CCNB3: variants seen among roughly 807,000 people sequenced by gnomAD.
CCNB3 encodes G2/mitotic-specific cyclin-B3.
A neutral mutation model predicts 68.0 loss-of-function variants in CCNB3; 12 were observed. The ratio of observed to expected loss-of-function variants is 0.18; its 90% CI spans 0.11 to 0.29. CCNB3 has a LOEUF of 0.29. Ranked by LOEUF, CCNB3 falls within the 10% of genes least tolerant of loss-of-function variation. The pLI, the probability that CCNB3 is intolerant of heterozygous loss-of-function variation, is 1.00. For missense variants in CCNB3, 904 were observed against 993.1 expected, an observed-to-expected ratio of 0.91 and a Z score of 1.21; for synonymous variants, 354 against 388.9, an observed-to-expected ratio of 0.91 and a Z score of 1.06.
chrX:50,214,475 C>CATATATATATATATATAT (rs1184201216), intron 1 of CCNB3, among the ~76,000 whole-genome samples: 450 of 9,418 alleles, frequency 0.048, 100 homozygotes, highest in Non-Finnish European at 0.12. Context: ...AGCTGTGGCC[C>CATATATATATATATATAT]ATATATATAT....
chrX:50,222,793 T>C (rs2146988136), intron 1 of CCNB3, among the ~76,000 whole-genome samples: 1 of 111,388 alleles, frequency 9.0e-6, no homozygotes, highest in East Asian at 2.8e-4. Flanking sequence ...CTGTATTTCC[T>C]GCATTTTAAT....
At chrX:50,285,037 G>A in intron 2 of CCNB3, 90 bp from the exon 3 acceptor site, 1 of 513,346 alleles carries the variant, frequency 1.9e-6, no homozygotes. Flanking sequence ...TCCTAGGGAT[G>A]CTATAGATAG....
In CCNB3 at chrX:50,344,278, T is replaced by C. The variant is rs145057742; in HGVS notation, c.3654+1939T>C. ...GATCTTCTCACAATGATGAAAATGA[T>C]GCATTTCTCTTAACATATCCCTCTT... On this transcript the variant is annotated intron_variant, in intron 9 of 12. Coordinates refer to ENST00000376042, the MANE Select transcript of CCNB3 (RefSeq NM_033031.3). 0.017 allele frequency among the ~76,000 whole-genome samples: 1,946 copies of C among 112,393 alleles called. 70 individuals carry two copies. The East Asian group carries it at 0.17, about 10-fold the overall frequency.
Position 50,294,888 on chromosome X carries a change from C to G in CCNB3, c.230C>G (p.Pro77Arg), listed in dbSNP as rs782677573. ...TNASQCQPVQPKKEANKEFVK... is the reference protein window; with the variant it reads ...TNASQCQPVQRKKEANKEFVK... ...GCTTCTCAATGTCAACCTGTCCAGC[C>G]CAAGAAAGAAGCCAATAAAGAGTTT... The change falls in exon 5 of 13, where the codon CCC becomes CGC. Residue 77 changes from proline to arginine, a missense_variant. Around this residue, in one of 2 missense-constraint regions of CCNB3, gnomAD observed 619 missense variants for 609.8 expected, o/e 1.02. Coordinates refer to ENST00000376042, the MANE Select transcript of CCNB3 (RefSeq NM_033031.3). The G allele has an allele frequency of 6.6e-6, 8 of 1,208,772 alleles. No individual in the cohort carries two copies. In the East Asian group the frequency reaches 1.8e-4, roughly 27 times the overall value.
chrX:50,351,457 A>G, intron 12 of CCNB3, 86 bp downstream of exon 12: 1 of 1,123,089 alleles, frequency 8.9e-7, no homozygotes, highest in Non-Finnish European at 1.2e-6. Context: ...GCCTCACTTA[A>G]GAGAAAAAGA....
chrX:50,286,859 C>T (rs1011134170), intron 3 of CCNB3, among the ~76,000 whole-genome samples: 2 of 110,763 alleles, frequency 1.8e-5, no homozygotes, highest in African/African-American at 6.6e-5. Context: ...CGTGTTGGCC[C>T]GAACGGTCTC....
intron 1 of CCNB3, among the ~76,000 whole-genome samples, chrX:50,226,317 CAT>C (rs1193593622): frequency 5.4e-4 from 9 of 16,531 alleles, no homozygotes; most frequent in Admixed American, 1.2e-3. Context: ...AATATATAAA[CAT>C]ATATATAGAA....
intron 8 of CCNB3, among the ~76,000 whole-genome samples, chrX:50,322,682 G>A (rs1557216716): frequency 8.9e-6 from 1 of 111,923 alleles, no homozygotes. Flanking sequence ...ATCTGACAAA[G>A]GGCTAATATC....
intron 1 of CCNB3, among the ~76,000 whole-genome samples, chrX:50,226,359 G>GTATAGAATATATATAAAAATATATA (rs1935797221): frequency 1.1e-4 from 2 of 18,262 alleles, no homozygotes; most frequent in African/African-American, 2.4e-4. Flanking sequence ...ATAAAAATAT[G>GTATAGAATATATATAAAAATATATA]TATAGAATAT....
intron 4 of CCNB3, among the ~76,000 whole-genome samples, 166 bp downstream of exon 4, chrX:50,289,053 C>T (rs1356126251): frequency 8.9e-6 from 1 of 111,814 alleles, no homozygotes; most frequent in African/African-American, 3.3e-5. Flanking sequence ...CTGTTCCTGG[C>T]ACATACCATC....
chrX:50,279,458 A>T (rs1325411495), intron 1 of CCNB3, among the ~76,000 whole-genome samples: 1 of 81,746 alleles, frequency 1.2e-5, no homozygotes, highest in Non-Finnish European at 2.2e-5. Context: ...ATATAAATAT[A>T]TATAAATATA....
At chrX:50,351,163 C>G (rs951250714) in intron 11 of CCNB3, 78 bp from the exon 12 acceptor site, 84 of 1,116,470 alleles carry the variant, frequency 7.5e-5, no homozygotes, top group Admixed American at 9.3e-5. Context: ...GTGTGGGAAG[C>G]TTAGACTTGG....
intron 8 of CCNB3, among the ~76,000 whole-genome samples, chrX:50,327,108 G>T (rs1557217403): frequency 8.9e-6 from 1 of 112,023 alleles, no homozygotes. Context: ...ATGTGCTGAG[G>T]GACTTCTTGT....
At position 50,344,073 on chromosome X, in the gene CCNB3, G is replaced by T. The variant is rs1923272363; in HGVS notation, c.3654+1734G>T. On this transcript the variant is annotated intron_variant, in intron 9 of 12. Transcript: ENST00000376042. ...GGTTTTAAATCTTTTATGCTGTATT[G>T]TTACTGTACTTTTTCTGTTTAGATA... Among the ~76,000 whole-genome samples the T allele has an allele frequency of 5.4e-5, 6 of 112,071 alleles. 1 individual carries two copies. The South Asian group carries it at 2.3e-3, about 42-fold the overall frequency.
rs1935640146 is a variant in CCNB3 at position 50,219,807 on chromosome X, G to A, written c.-113+14857G>A. Among the ~76,000 whole-genome samples, 3 of 111,614 alleles carry A rather than the reference G, an allele frequency of 2.7e-5. No homozygotes were observed. The South Asian group carries it at 1.1e-3, about 42-fold the overall frequency. On this transcript the variant is annotated intron_variant, in intron 1 of 12. Transcript: ENST00000376042. ...AAGTAGTTTTTTCTAATTCTGTGAA[G>A]AAAGTCAATGGTAACTTGATGAGGA...
At chrX:50,333,823 G>C (rs1922719425) in intron 8 of CCNB3, among the ~76,000 whole-genome samples, 1 of 111,271 alleles carries the variant, frequency 9.0e-6, no homozygotes, top group African/African-American at 3.3e-5. Flanking sequence ...GCTTCCTAAG[G>C]CCACTGAGAT....
chrX:50,280,096 AAT>A (rs1291885309), intron 1 of CCNB3, among the ~76,000 whole-genome samples: 12 of 86,313 alleles, frequency 1.4e-4, no homozygotes, highest in African/African-American at 4.5e-4. Flanking sequence ...AATACATATA[AAT>A]ATATATATAG....
chrX:50,298,843 T>G (rs962717925), intron 5 of CCNB3, among the ~76,000 whole-genome samples: 2 of 112,025 alleles, frequency 1.8e-5, no homozygotes, highest in Non-Finnish European at 3.8e-5. Flanking sequence ...ATTCAACTTC[T>G]TCCTGATTTA....
At position 50,214,592 on chromosome X, in the gene CCNB3, A is replaced by G. The variant is rs1368481718; in HGVS notation, c.-113+9642A>G. On this transcript the variant is annotated intron_variant, in intron 1 of 12. Coordinates refer to ENST00000376042, the MANE Select transcript of CCNB3 (RefSeq NM_033031.3). The stretch of plus-strand genomic sequence containing the variant: ...TCTGTCTCTCTCCCTATATATGTAC[A>G]ATATATATTTTATTAAATAGTATAT... Among the ~76,000 whole-genome samples the G allele has an allele frequency of 1.1e-4, 10 of 91,844 alleles. No homozygotes were observed. The East Asian group carries it at 2.7e-3, about 25-fold the overall frequency. 79.8% of individuals were successfully genotyped at this position (91,844 alleles called of 115,157 possible).
Sources: gnomAD v4.1 joint callset for allele counts (sites outside exome capture counted in the v4.1 genomes callset) on GRCh38, gnomAD v4.1.1 for gene constraint, gnomAD v4.1.1 regional missense constraint, MANE v1.5 for transcripts, NCBI Gene and HGNC (gene_info 2026-07-23, HGNC 2026-07-21) for gene names.